OR51E1: variants seen among roughly 807,000 people sequenced by gnomAD.
OR51E1 encodes olfactory receptor family 51 subfamily E member 1.
Under a neutral mutation model 11.5 loss-of-function variants are expected in OR51E1, and 9 were observed. That is an observed-to-expected ratio of 0.78 (90% CI 0.47 to 1.37). The LOEUF is 1.37. Ranked by LOEUF, OR51E1 falls within the 40% of genes most tolerant of loss-of-function variation. OR51E1 has a pLI of 0.00. For missense variants in OR51E1, 397 were observed against 410.2 expected (o/e 0.97, Z 0.28); for synonymous variants, 168 against 158.3 (o/e 1.06, Z -0.46).
chr11:4,645,257 A>C (rs551468668), intron 1 of OR51E1, among the ~76,000 whole-genome samples: 2 of 152,186 alleles, frequency 1.3e-5, no homozygotes, highest in South Asian at 4.2e-4. Flanking sequence ...TTTGACACTC[A>C]ATATGTTTTT....
At chr11:4,645,412 G>A (rs540671682) in intron 1 of OR51E1, among the ~76,000 whole-genome samples, 1 of 152,286 alleles carries the variant, frequency 6.6e-6, no homozygotes, top group East Asian at 1.9e-4. Flanking sequence ...AGCTTGCTGA[G>A]CTATTGTTGT....
chr11:4,649,117 A>G (rs1167805642), intron 1 of OR51E1, among the ~76,000 whole-genome samples: 1 of 152,176 alleles, frequency 6.6e-6, no homozygotes, highest in African/African-American at 2.4e-5. Flanking sequence ...TAACTAAACA[A>G]TTAATAAATA....
In OR51E1 at chr11:4,653,166, T is replaced by A. The variant is rs774202501; in HGVS notation, c.640T>A (p.Ser214Thr). 2 of 1,614,026 alleles carry A rather than the reference T, an allele frequency of 1.2e-6. No individual in the cohort carries two copies. The highest frequency in any genetic ancestry group is 2.2e-5 in the East Asian group (1 of 44,880). The change falls in exon 2 of 2, where the codon TCA becomes ACA. Residue 214 changes from serine to threonine, a missense_variant. Physicochemically the swap from Ser to Thr is moderately conservative, Grantham distance 58 (BLOSUM62 1). Coordinates refer to ENST00000396952, the MANE Select transcript of OR51E1 (RefSeq NM_152430.4). ...CATCATCTCCGCCATTGGCCTGGAC[T>A]CACTTCTCATCTCCTTCTCATATCT... ...IVIISAIGLD[S>T]LLISFSYLLI... is the part of the protein sequence containing the mutation.
chr11:4,650,913 T>G (rs994937678), intron 1 of OR51E1, among the ~76,000 whole-genome samples: 5 of 150,792 alleles, frequency 3.3e-5, no homozygotes, highest in Non-Finnish European at 5.9e-5. Context: ...TTAGGGATGC[T>G]GATCTGGGTA....
rs777586487 is a variant in OR51E1 at position 4,653,387 on chromosome 11, T to C, written c.861T>C (p.Pro287=). ...ILANIYLLVP[P]VLNPIVYGVK... is the part of the protein sequence containing the mutation. ...CCAATATCTATCTGCTGGTTCCTCCTGTGCTCAACCCAATTGTCTATGGAG... is the reference window on the plus strand; with the variant it reads ...CCAATATCTATCTGCTGGTTCCTCCCGTGCTCAACCCAATTGTCTATGGAG... Residue 287 remains proline, a synonymous_variant, in exon 2 of 2, where the codon CCT becomes CCC. Transcript: ENST00000396952. The C allele has an allele frequency of 6.2e-7, 1 of 1,614,172 alleles. No homozygotes were observed. The highest frequency in any genetic ancestry group is 8.5e-7 in the Non-Finnish European group (1 of 1,179,986).
chr11:4,649,726 T>G (rs1564876862), intron 1 of OR51E1, among the ~76,000 whole-genome samples: 1 of 152,180 alleles, frequency 6.6e-6, no homozygotes, highest in Non-Finnish European at 1.5e-5. Flanking sequence ...TGTATGATGG[T>G]TCACGCCACC....
chr11:4,644,410 C>T (rs867696230), intron 1 of OR51E1, among the ~76,000 whole-genome samples: 1 of 151,822 alleles, frequency 6.6e-6, no homozygotes, highest in African/African-American at 2.4e-5. Context: ...ACAGGGTGAA[C>T]GTGGTTGAAG....
chr11:4,647,702 C>T (rs1174471162), intron 1 of OR51E1, among the ~76,000 whole-genome samples: 1 of 152,138 alleles, frequency 6.6e-6, no homozygotes, highest in African/African-American at 2.4e-5. Context: ...TCCTGTTCCC[C>T]TATTCCTGAG....
chr11:4,645,574 A>G (rs1259139246), intron 1 of OR51E1, among the ~76,000 whole-genome samples: 1 of 152,206 alleles, frequency 6.6e-6, no homozygotes. Context: ...AAGTCCGTCA[A>G]TGATTATTGA....
In OR51E1 at chr11:4,652,783, C is replaced by T; in HGVS notation, c.257C>T (p.Ala86Val). ...ACCTCATCCATGCCCAAAATGCTGGCCATCTTCTGGTTCAATTCCACTACC... is the reference window on the plus strand; with the variant it reads ...ACCTCATCCATGCCCAAAATGCTGGTCATCTTCTGGTTCAATTCCACTACC... ...ISTSSMPKML[A>V]IFWFNSTTIQ... The change falls in exon 2 of 2, where the codon GCC (alanine) becomes GTC (valine). Residue 86 changes from alanine (A) to valine (V), a missense_variant. By Grantham distance (64) the Ala-to-Val change is moderately conservative. Transcript: ENST00000396952. 1 of 1,614,184 alleles carries T rather than the reference C, an allele frequency of 6.2e-7. No individual in the cohort carries two copies. The highest frequency in any genetic ancestry group is 8.5e-7 in the Non-Finnish European group (1 of 1,180,030).
chr11:4,646,627 G>C (rs1185489851), intron 1 of OR51E1, among the ~76,000 whole-genome samples: 3 of 152,092 alleles, frequency 2.0e-5, no homozygotes. Flanking sequence ...TCCATTGTGG[G>C]GCCTACCCAC....
chr11:4,648,031 T>C (rs903251168), intron 1 of OR51E1, among the ~76,000 whole-genome samples: 5 of 152,094 alleles, frequency 3.3e-5, no homozygotes, highest in African/African-American at 1.2e-4. Context: ...CTGTTGAACA[T>C]TGGGACGCTT....
chr11:4,647,462 G>C (rs1376348238), intron 1 of OR51E1, among the ~76,000 whole-genome samples: 1 of 151,808 alleles, frequency 6.6e-6, no homozygotes, highest in African/African-American at 2.4e-5. Context: ...GTGGCACTTG[G>C]GCCCTCTGGC....
intron 1 of OR51E1, among the ~76,000 whole-genome samples, chr11:4,651,378 G>A (rs764976467): frequency 6.6e-6 from 1 of 152,310 alleles, no homozygotes; most frequent in South Asian, 2.1e-4. Context: ...GGTAGGGCAG[G>A]GGAAGAAAGC....
intron 1 of OR51E1, among the ~76,000 whole-genome samples, chr11:4,646,550 G>C (rs1847032936): frequency 6.6e-6 from 1 of 152,200 alleles, no homozygotes; most frequent in Non-Finnish European, 1.5e-5. Flanking sequence ...ATATCTGCTT[G>C]ACAGGTGGAT....
intron 1 of OR51E1, among the ~76,000 whole-genome samples, chr11:4,650,503 T>G (rs770285456): frequency 4.6e-5 from 7 of 152,180 alleles, no homozygotes; most frequent in Non-Finnish European, 8.8e-5. Flanking sequence ...CAGATTGAAT[T>G]AAACTCTCTC....
Position 4,653,280 on chromosome 11 carries a change from A to G in OR51E1, c.754A>G (p.Ile252Val). The change falls in exon 2 of 2, where the codon ATA becomes GTA. Residue 252 changes from isoleucine (I) to valine (V), a missense_variant. Ile to Val is a conservative substitution (Grantham distance 29). Coordinates refer to ENST00000396952, the MANE Select transcript of OR51E1 (RefSeq NM_152430.4). Reference protein sequence around the residue: ...TCVSHVCAVFIFYVPFIGLSM... With the variant: ...TCVSHVCAVFVFYVPFIGLSM... ...CGTCTCTCATGTGTGTGCTGTGTTC[A>G]TATTCTATGTACCTTTCATTGGATT... The G allele has an allele frequency of 6.2e-7, 1 of 1,614,128 alleles. No homozygotes were observed. Among genetic ancestry groups the G allele is most frequent in the South Asian group, 1.1e-5 (1 of 91,082 alleles).
At chr11:4,651,030 C>T (rs554200943) in intron 1 of OR51E1, among the ~76,000 whole-genome samples, 51 of 148,912 alleles carry the variant, frequency 3.4e-4, no homozygotes, top group African/African-American at 5.4e-4. Context: ...GAATATTTGT[C>T]GATGGAGGAA....
Position 4,652,749 on chromosome 11 carries a change from C to T in OR51E1, c.223C>T (p.Leu75Phe). Reference sequence around the variant, plus strand: ...TTGCATGCTTTCAGGCATTGACATCCTCATCTCCACCTCATCCATGCCCAA... The same window carrying T: ...TTGCATGCTTTCAGGCATTGACATCTTCATCTCCACCTCATCCATGCCCAA... ...FLCMLSGIDI[L>F]ISTSSMPKML... The change falls in exon 2 of 2, where the codon CTC becomes TTC. Residue 75 changes from leucine to phenylalanine, a missense_variant. Leu to Phe is a conservative substitution (Grantham distance 22). Transcript: ENST00000396952. 1 of 1,614,114 alleles carries T rather than the reference C, an allele frequency of 6.2e-7. No homozygotes were observed. The highest frequency in any genetic ancestry group is 1.1e-5 in the South Asian group (1 of 91,080).
Sources: allele counts gnomAD v4.1 joint callset (sites outside exome capture counted in the v4.1 genomes callset), GRCh38; gene constraint gnomAD v4.1.1; transcripts MANE v1.5; gene names NCBI Gene and HGNC (gene_info 2026-07-23, HGNC 2026-07-21).